MAPRE2: variants seen among roughly 807,000 people sequenced by gnomAD.
The protein encoded by MAPRE2 is microtubule associated protein RP/EB family member 2.
In MAPRE2, 13 loss-of-function variants were observed where a neutral mutation model predicts 43.2. That is an observed-to-expected ratio of 0.30 (90% confidence interval 0.20 to 0.48). MAPRE2 has a LOEUF of 0.48. Ranked by LOEUF, MAPRE2 falls within the 20% of genes least tolerant of loss-of-function variation. The pLI, the probability that MAPRE2 is intolerant of heterozygous loss-of-function variation, is 0.99. For synonymous variants in MAPRE2, 135 were observed against 148.8 expected, an observed-to-expected ratio of 0.91 and a Z score of 0.68; for missense variants, 161 against 400.2, an observed-to-expected ratio of 0.40 and a Z score of 5.10.
At chr18:35,082,160 G>C (rs1259266389) in intron 2 of MAPRE2, 2 of 111,814 alleles carry the variant, frequency 1.8e-5, no homozygotes, top group Non-Finnish European at 3.2e-5. Context: ...CGTAGTGGCG[G>C]GCGCCTGTAG....
chr18:35,016,982 A>C (rs2097038702), intron 2 of MAPRE2, among the ~76,000 whole-genome samples: 1 of 151,984 alleles, frequency 6.6e-6, no homozygotes, highest in African/African-American at 2.4e-5. Context: ...GTATATAGTG[A>C]AAGGTAGGAG....
At chr18:35,041,914 T>A in intron 1 of MAPRE2, 1 of 783,496 alleles carries the variant, frequency 1.3e-6, no homozygotes, top group Non-Finnish European at 1.9e-6. Context: ...TCTCTTTCCT[T>A]CCACACTGAT....
intron 1 of MAPRE2, among the ~76,000 whole-genome samples, chr18:35,064,761 T>C (rs892084513): frequency 1.3e-5 from 2 of 152,188 alleles, no homozygotes; most frequent in African/African-American, 4.8e-5. Context: ...ATTCAATCAC[T>C]ACTGCAAAGC....
intron 1 of MAPRE2, among the ~76,000 whole-genome samples, chr18:34,981,921 G>C (rs1470345540): frequency 1.5e-5 from 2 of 130,252 alleles, no homozygotes; most frequent in Non-Finnish European, 3.1e-5. Context: ...GTCTCACTCT[G>C]TCTCCCAGGC....
At chr18:35,100,578 G>A (rs781055162) in intron 3 of MAPRE2, among the ~76,000 whole-genome samples, 45 of 152,108 alleles carry the variant, frequency 3.0e-4, no homozygotes, top group Non-Finnish European at 1.2e-4. Context: ...GCCCATCAAT[G>A]ACAAATTGGA....
upstream of MAPRE2, chr18:35,041,372 A>T: frequency 2.7e-6 from 4 of 1,457,950 alleles, no homozygotes; most frequent in Non-Finnish European, 3.6e-6. Flanking sequence ...CAGCTGCCAG[A>T]GGGCGGGGCC....
At chr18:35,036,742 T>G (rs1412585414), upstream of MAPRE2, among the ~76,000 whole-genome samples, 2 of 152,204 alleles carry the variant, frequency 1.3e-5, no homozygotes, top group Non-Finnish European at 2.9e-5. Context: ...TCTTTGAGCT[T>G]AATGTTTTCT....
rs528408259 is a variant in MAPRE2 at position 35,062,744 on chromosome 18, C to T, written c.123-7451C>T. ...AATTTCCAAGGAAGCATCGATATTT[C>T]TAACCATTACCTTAATAAACCACTT... On this transcript the variant is annotated intron_variant, in intron 1 of 6. Coordinates refer to ENST00000300249, the MANE Select transcript of MAPRE2 (RefSeq NM_014268.4). Among the ~76,000 whole-genome samples the T allele has an allele frequency of 4.6e-5, 7 of 152,340 alleles. No individual in the cohort carries two copies. The South Asian group carries it at 1.4e-3, about 32-fold the overall frequency.
At chr18:34,987,395 G>A (rs560067951) in intron 1 of MAPRE2, among the ~76,000 whole-genome samples, 13 of 152,132 alleles carry the variant, frequency 8.5e-5, no homozygotes, top group Admixed American at 2.0e-4. Flanking sequence ...CAATCTTCAC[G>A]TTAACAAATG....
At position 35,142,942 on chromosome 18, in the gene MAPRE2, T is replaced by G. The variant is rs1910725262; in HGVS notation, c.*2573T>G. The G allele has an allele frequency of 6.6e-6, 1 of 152,072 alleles. No individual in the cohort carries two copies. Among genetic ancestry groups the G allele is most frequent in the Admixed American group, 6.6e-5 (1 of 15,264 alleles). The allele number at this position is 152,072 out of a possible 1,614,324, so 9.4% of individuals were successfully genotyped here. A position where few individuals can be genotyped will look rare whatever the true frequency, so the allele number is the denominator to read the frequency against. ...CTTCTCCCTCTCAGGAAGCCCAGTT[T>G]CATCCTTAGTACCCCCCCTCGTGCC... is the stretch of plus-strand genomic sequence containing the variant. On this transcript the variant is annotated 3_prime_UTR_variant, in exon 7 of 7. Transcript: ENST00000300249.
In MAPRE2 at chr18:34,992,793, C is replaced by G. The variant is rs528356139; in HGVS notation, c.-69-12699C>G. Among the ~76,000 whole-genome samples the G allele has an allele frequency of 1.0e-3, 156 of 152,208 alleles. 1 individual carries two copies. In the Middle Eastern group the frequency reaches 0.014, roughly 13 times the overall value. ...TATGGAGAATGCCATTATAGCTGTT[C>G]AAAATACGAAAGCGGTGTGATTTCC... On this transcript the variant is annotated intron_variant, in intron 1 of 7. Coordinates refer to the MAPRE2 transcript ENST00000413393.
intron 2 of MAPRE2, among the ~76,000 whole-genome samples, chr18:35,006,898 G>A (rs1163114334): frequency 6.6e-6 from 1 of 152,230 alleles, no homozygotes; most frequent in East Asian, 1.9e-4. Flanking sequence ...AGGAGGCAGA[G>A]GTTGCAGTGA....
At chr18:35,060,149 G>A (rs889831434) in intron 1 of MAPRE2, among the ~76,000 whole-genome samples, 10 of 152,214 alleles carry the variant, frequency 6.6e-5, no homozygotes, top group African/African-American at 1.7e-4. Context: ...CTGCTCGTTG[G>A]GGGCAGCGTG....
chr18:35,139,200 C>CGACA (rs1031088311), intron 6 of MAPRE2, among the ~76,000 whole-genome samples: 1 of 152,092 alleles, frequency 6.6e-6, no homozygotes, highest in Admixed American at 6.5e-5. Flanking sequence ...AAGAGGGGCC[C>CGACA]GACAGACAGG....
At chr18:35,038,670 A>G (rs1048261756), upstream of MAPRE2, among the ~76,000 whole-genome samples, 1 of 152,174 alleles carries the variant, frequency 6.6e-6, no homozygotes, top group Non-Finnish European at 1.5e-5. Context: ...CCTACATCGT[A>G]CCATTCCGCT....
chr18:34,981,890 T>TTG (rs10630893), intron 1 of MAPRE2, among the ~76,000 whole-genome samples: 1 of 140,212 alleles, frequency 7.1e-6, no homozygotes, highest in Non-Finnish European at 1.5e-5. Flanking sequence ...TTTATTTATT[T>TTG]TTTTTTTTTT....
chr18:35,068,640 C>T (rs1906955478), intron 1 of MAPRE2, among the ~76,000 whole-genome samples: 1 of 152,190 alleles, frequency 6.6e-6, no homozygotes, highest in African/African-American at 2.4e-5. Flanking sequence ...CCTGCCTTTC[C>T]TCGATGACCT....
upstream of MAPRE2, among the ~76,000 whole-genome samples, chr18:35,041,120 G>T (rs972088813): frequency 6.6e-6 from 1 of 152,194 alleles, no homozygotes; most frequent in Admixed American, 6.5e-5. Context: ...GTGGCAGCAC[G>T]GGTCGGAAAG....
rs2097045591 is a variant in MAPRE2, at chr18:35,027,015, A to G, written c.-8+21462A>G. On this transcript the variant is annotated intron_variant, in intron 2 of 7. Transcript: ENST00000413393. ...ATTTCTTCAGGGTTTTTTCTCTGCC[A>G]TGGGCTTACAAGTTGATTTTGAAAC... Among the ~76,000 whole-genome samples the G allele has an allele frequency of 2.0e-5, 3 of 152,208 alleles. No individual in the cohort carries two copies. In the South Asian group the frequency reaches 6.2e-4, roughly 32 times the overall value.
Sources: allele counts gnomAD v4.1 joint callset (sites outside exome capture counted in the v4.1 genomes callset), GRCh38; gene constraint gnomAD v4.1.1; transcripts MANE v1.5; gene names NCBI Gene and HGNC (gene_info 2026-07-23, HGNC 2026-07-21).